Variants in CPXM2 observed in about 807,000 individuals in gnomAD.
The protein encoded by CPXM2 is carboxypeptidase X, M14 family member 2, also known as inactive carboxypeptidase-like protein X2.
CPXM2 carries 66 observed loss-of-function variants against 86.1 expected under a neutral mutation model. The ratio of observed to expected loss-of-function variants is 0.77; its 90% CI spans 0.63 to 0.94. The LOEUF is 0.94. Ranked by LOEUF, CPXM2 falls within the 40% of genes least tolerant of loss-of-function variation. The pLI, the probability that CPXM2 is intolerant of heterozygous loss-of-function variation, is 0.00. For synonymous variants in CPXM2, 388 were observed against 400.2 expected (o/e 0.97, Z 0.36); for missense variants, 948 against 1,026.3 (o/e 0.92, Z 1.04).
intron 2 of CPXM2, among the ~76,000 whole-genome samples, chr10:123,872,087 C>A (rs1266408788): frequency 6.6e-6 from 1 of 152,192 alleles, no homozygotes; most frequent in South Asian, 2.1e-4. Flanking sequence ...CTAGAACTTT[C>A]ATTCACTGCT....
At chr10:123,751,876 G>A in intron 13 of CPXM2, 1 of 985,272 alleles carries the variant, frequency 1.0e-6, no homozygotes, top group Non-Finnish European at 1.2e-6. Flanking sequence ...GGAAAATCAA[G>A]GGAGGGAGAT....
At chr10:123,812,931 G>A (rs935979152) in intron 4 of CPXM2, among the ~76,000 whole-genome samples, 3 of 152,100 alleles carry the variant, frequency 2.0e-5, no homozygotes, top group Non-Finnish European at 2.9e-5. Context: ...TGCATGGCAG[G>A]TTCATGAGCA....
intron 6 of CPXM2, among the ~76,000 whole-genome samples, chr10:123,783,112 A>C (rs1391594883): frequency 1.3e-5 from 2 of 152,242 alleles, no homozygotes; most frequent in Non-Finnish European, 2.9e-5. Context: ...AGTTCCGGGA[A>C]TTGCCCACCT....
At chr10:123,747,261 A>G (rs924699254) in intron 13 of CPXM2, among the ~76,000 whole-genome samples, 1 of 152,248 alleles carries the variant, frequency 6.6e-6, no homozygotes, top group Admixed American at 6.5e-5. Flanking sequence ...GTCAATACAC[A>G]GGAGCAAAGC....
chr10:123,800,028 G>GTT (rs530876054), intron 4 of CPXM2, among the ~76,000 whole-genome samples: 82 of 109,532 alleles, frequency 7.5e-4, no homozygotes, highest in East Asian at 2.2e-3. Flanking sequence ...TAGTTTTTTG[G>GTT]TTTTTTTTTT....
At chr10:123,901,429 TTGTGTGTGTGTGTGTG>T (rs3069582) in intron 2 of CPXM2, among the ~76,000 whole-genome samples, 6,527 of 139,016 alleles carry the variant, frequency 0.047, 160 homozygotes, top group Middle Eastern at 0.11. Flanking sequence ...CCAAGCAAGT[TTGTGTGTGTGTGTGTG>T]TGTGTGTGTG....
In CPXM2 at chr10:123,872,919, T is replaced by C. The variant is rs147408181; in HGVS notation, c.403+7292A>G. Among the ~76,000 whole-genome samples, 878 of 146,638 alleles carry C rather than the reference T, an allele frequency of 6.0e-3. 12 individuals are homozygous for C. Among genetic ancestry groups the C allele is most frequent in the African/African-American group, 0.021 (845 of 39,576 alleles). ...CAAGAGTCATGGCTTCAACTTGCCATAAAAAAAGAAAAAAAAAACATGCTG... is the reference window on the plus strand; with the variant it reads ...CAAGAGTCATGGCTTCAACTTGCCACAAAAAAAGAAAAAAAAAACATGCTG... On this transcript the variant is annotated intron_variant, in intron 2 of 13. Transcript: ENST00000241305.
intron 2 of CPXM2, among the ~76,000 whole-genome samples, chr10:123,864,515 C>G (rs1158022526): frequency 2.6e-5 from 4 of 152,206 alleles, no homozygotes; most frequent in Admixed American, 2.0e-4. Flanking sequence ...GGATCTGCTG[C>G]CATCTTATGA....
chr10:123,870,868 G>T (rs1369756386), intron 2 of CPXM2, among the ~76,000 whole-genome samples: 1 of 152,142 alleles, frequency 6.6e-6, no homozygotes, highest in Non-Finnish European at 1.5e-5. Flanking sequence ...CCCACCACTG[G>T]TCGGAAGTTC....
At chr10:123,919,954 G>A (rs575670017) in intron 2 of CPXM2, among the ~76,000 whole-genome samples, 131 of 152,250 alleles carry the variant, frequency 8.6e-4, no homozygotes, top group Non-Finnish European at 1.5e-3. Flanking sequence ...GATCTCATGG[G>A]AACTAACAGA....
upstream of CPXM2, among the ~76,000 whole-genome samples, chr10:123,894,409 T>C (rs1405310736): frequency 6.6e-6 from 1 of 152,156 alleles, no homozygotes. Flanking sequence ...GAGAGACACA[T>C]AATTAAAGCA....
At chr10:123,928,692 C>CTGGAT (rs1945643416) in intron 2 of CPXM2, among the ~76,000 whole-genome samples, 1 of 152,236 alleles carries the variant, frequency 6.6e-6, no homozygotes. Context: ...CCGCTAACAG[C>CTGGAT]CCTGGCTGAG....
intron 2 of CPXM2, among the ~76,000 whole-genome samples, chr10:123,938,179 G>T (rs546859847): frequency 5.3e-5 from 8 of 152,240 alleles, no homozygotes; most frequent in African/African-American, 1.9e-4. Context: ...ATCACTAGGA[G>T]GTCTTTTTAA....
rs1845963739 is a variant in CPXM2 at position 123,746,022 on chromosome 10, A to G, written c.*742T>C. ...AAGGCTGGCACCTCTGGCTCTCCCT[A>G]CCTGGGGAACCTCCAGGGCTACTGG... On this transcript the variant is annotated 3_prime_UTR_variant, in exon 14 of 14. Coordinates refer to ENST00000241305, the MANE Select transcript of CPXM2 (RefSeq NM_198148.3). The G allele has an allele frequency of 1.3e-5, 2 of 152,122 alleles. No homozygotes were observed. Among genetic ancestry groups the G allele is most frequent in the Middle Eastern group, 3.4e-3 (1 of 294 alleles). 9.4% of individuals were successfully genotyped at this position (152,122 alleles called of 1,614,324 possible). A position where few individuals can be genotyped will look rare whatever the true frequency, so the allele number is the denominator to read the frequency against.
At chr10:123,812,825 C>G (rs1367962444) in intron 4 of CPXM2, among the ~76,000 whole-genome samples, 1 of 152,080 alleles carries the variant, frequency 6.6e-6, no homozygotes, top group African/African-American at 2.4e-5. Context: ...ACCACCCCTT[C>G]CCCATCCCCC....
In CPXM2 at chr10:123,910,426, C is replaced by T. The variant is rs1199460303; in HGVS notation, n.174+29051G>A. 3.9e-5 allele frequency among the ~76,000 whole-genome samples: 6 copies of T among 152,168 alleles called. No individual in the cohort carries two copies. The East Asian group carries it at 5.8e-4, about 15-fold the overall frequency. ...CATTCATCAAACCTAGTATCACTCC[C>T]CCACTGCAGAGATTCTCGGAACTGC... On this transcript the variant is annotated intron_variant and non_coding_transcript_variant, in intron 2 of 19. Coordinates refer to the CPXM2 transcript ENST00000368854.
At chr10:123,763,608 C>A (rs567596698) in intron 10 of CPXM2, among the ~76,000 whole-genome samples, 1 of 150,124 alleles carries the variant, frequency 6.7e-6, no homozygotes, top group African/African-American at 2.4e-5. Flanking sequence ...TCTGCAATTT[C>A]TTTTTTCCTC....
At chr10:123,771,077 T>C (rs369183859) in intron 7 of CPXM2, 38 bp from the exon 8 acceptor site, 25 of 1,600,342 alleles carry the variant, frequency 1.6e-5, no homozygotes, top group Non-Finnish European at 2.0e-5. Flanking sequence ...TAAGCATTGA[T>C]GACGATGCAC....
chr10:123,834,161 G>A (rs764924511), intron 4 of CPXM2, among the ~76,000 whole-genome samples: 1 of 152,150 alleles, frequency 6.6e-6, no homozygotes, highest in Non-Finnish European at 1.5e-5. Flanking sequence ...CCTGGTAATC[G>A]GGGACAGAGA....
Sources: allele counts gnomAD v4.1 joint callset (sites outside exome capture counted in the v4.1 genomes callset), GRCh38; gene constraint gnomAD v4.1.1; transcripts MANE v1.5; gene names NCBI Gene and HGNC (gene_info 2026-07-23, HGNC 2026-07-21).